The following CACNA2D1 variants were observed in gnomAD, a reference collection of about 807,000 sequenced individuals.
CACNA2D1 encodes calcium voltage-gated channel auxiliary subunit alpha2delta 1.
Under a neutral mutation model 171.5 loss-of-function variants are expected in CACNA2D1, and 53 were observed. The ratio of observed to expected loss-of-function variants is 0.31; its 90% CI spans 0.25 to 0.39. The LOEUF (loss-of-function observed/expected upper bound fraction) is 0.39. Among genes scored for constraint, CACNA2D1 ranks in the 10% least tolerant of loss-of-function variants. The pLI is 1.00. For missense variants in CACNA2D1, 903 were observed against 1,299.8 expected (o/e 0.69, Z 4.69); for synonymous variants, 442 against 443.1 (o/e 1.00, Z 0.03).
At chr7:82,376,607 CT>C (rs1310834800) in intron 1 of CACNA2D1, among the ~76,000 whole-genome samples, 1 of 152,186 alleles carries the variant, frequency 6.6e-6, no homozygotes, top group African/African-American at 2.4e-5. Context: ...GAATATACAT[CT>C]CTGTATATAA....
At chr7:82,415,562 G>A (rs572937183) in intron 1 of CACNA2D1, among the ~76,000 whole-genome samples, 1 of 152,098 alleles carries the variant, frequency 6.6e-6, no homozygotes, top group East Asian at 1.9e-4. Flanking sequence ...TGAAATTTTG[G>A]TCTGTAGGAC....
intron 1 of CACNA2D1, among the ~76,000 whole-genome samples, chr7:82,405,126 C>T (rs1475689166): frequency 1.3e-5 from 2 of 152,036 alleles, no homozygotes; most frequent in African/African-American, 4.8e-5. Context: ...TATCTAATTA[C>T]TCATTTAGAA....
At position 82,102,477 on chromosome 7, in the gene CACNA2D1, C is replaced by CAT. The variant is rs1409017023; in HGVS notation, c.526+14565_526+14566dup. ...ATATATATATACACATGCATATATA[C>CAT]ATATATATACACACACACACACGCA... On this transcript the variant is annotated intron_variant, in intron 6 of 38. Transcript: ENST00000356860. Among the ~76,000 whole-genome samples, 146 of 151,326 alleles carry CAT rather than the reference C, an allele frequency of 9.6e-4. 1 individual carries two copies. The Middle Eastern group carries it at 0.034, about 35-fold the overall frequency.
chr7:82,033,855 T>A (rs1225453116), intron 11 of CACNA2D1, among the ~76,000 whole-genome samples: 1 of 152,126 alleles, frequency 6.6e-6, no homozygotes, highest in Non-Finnish European at 1.5e-5. Context: ...GTGTTTGCTT[T>A]AAATGCTGAG....
At chr7:82,419,301 T>C (rs1221574901) in intron 1 of CACNA2D1, among the ~76,000 whole-genome samples, 1 of 152,068 alleles carries the variant, frequency 6.6e-6, no homozygotes, top group Non-Finnish European at 1.5e-5. Flanking sequence ...GTGAAACAAA[T>C]ACCCTTAGCA....
chr7:82,330,135 TC>T (rs1817142695), intron 3 of CACNA2D1, among the ~76,000 whole-genome samples: 1 of 152,044 alleles, frequency 6.6e-6, no homozygotes, highest in East Asian at 1.9e-4. Context: ...TATCGTTTTA[TC>T]TTTCAGCTCT....
rs1791673139 is a variant in CACNA2D1, at chr7:82,136,790, T to C, written c.355-114A>G. On this transcript the variant is annotated intron_variant, in intron 4 of 38. Transcript: ENST00000356860. Reference sequence around the variant, plus strand: ...ACTCCTTGTCATCTTTCTTTCACAATATATTCCACAATGATCCATAAGGAT... The same window carrying C: ...ACTCCTTGTCATCTTTCTTTCACAACATATTCCACAATGATCCATAAGGAT... 3.8e-5 allele frequency: 29 copies of C among 760,874 alleles called. No individual in the cohort carries two copies. In the South Asian group the frequency reaches 4.9e-4, roughly 13 times the overall value. 47.1% of individuals were successfully genotyped at this position (760,874 alleles called of 1,614,324 possible). A position where few individuals can be genotyped will look rare whatever the true frequency, so the allele number is the denominator to read the frequency against.
At chr7:82,074,494 C>T (rs142319392) in intron 7 of CACNA2D1, among the ~76,000 whole-genome samples, 1 of 152,272 alleles carries the variant, frequency 6.6e-6, no homozygotes, top group Non-Finnish European at 1.5e-5. Flanking sequence ...TCCTAAACTG[C>T]TGGGATTACA....
chr7:82,426,146 A>T (rs760078536), intron 1 of CACNA2D1, among the ~76,000 whole-genome samples: 9 of 64,248 alleles, frequency 1.4e-4, no homozygotes, highest in Non-Finnish European at 1.9e-4. Flanking sequence ...TATATAAATA[A>T]ATAAATAAAT....
chr7:82,296,118 G>A (rs982318782), intron 3 of CACNA2D1, among the ~76,000 whole-genome samples: 1 of 150,892 alleles, frequency 6.6e-6, no homozygotes, highest in Non-Finnish European at 1.5e-5. Context: ...GCGGGGTGGG[G>A]GAAGGGGGGA....
intron 7 of CACNA2D1, among the ~76,000 whole-genome samples, chr7:82,066,740 T>C (rs1222137348): frequency 2.0e-5 from 3 of 152,114 alleles, no homozygotes; most frequent in African/African-American, 7.2e-5. Context: ...TCGATTCTCT[T>C]TTTACGAGTT....
chr7:82,155,922 C>T (rs963167979), intron 4 of CACNA2D1, among the ~76,000 whole-genome samples: 1 of 152,154 alleles, frequency 6.6e-6, no homozygotes, highest in Non-Finnish European at 1.5e-5. Flanking sequence ...ATATATCCTG[C>T]ATACTAGTCA....
chr7:82,443,170 C>T (rs1369024984), intron 1 of CACNA2D1, among the ~76,000 whole-genome samples, 195 bp downstream of exon 1: 1 of 152,020 alleles, frequency 6.6e-6, no homozygotes. Flanking sequence ...GCGCCCGAGA[C>T]GCCGGTTCGG....
At chr7:82,050,632 G>T (rs1296361889) in intron 10 of CACNA2D1, 2 of 702,690 alleles carry the variant, frequency 2.8e-6, no homozygotes, top group Non-Finnish European at 5.2e-6. Flanking sequence ...TACTATCCTG[G>T]AATGCAAATA....
intron 7 of CACNA2D1, among the ~76,000 whole-genome samples, chr7:82,075,423 A>AGT (rs1402335504): frequency 2.0e-5 from 3 of 152,226 alleles, no homozygotes; most frequent in African/African-American, 7.2e-5. Flanking sequence ...CCCATAATGC[A>AGT]GTCATTAAGT....
chr7:82,350,852 G>C (rs1819777315), intron 1 of CACNA2D1, among the ~76,000 whole-genome samples: 1 of 152,118 alleles, frequency 6.6e-6, no homozygotes, highest in Non-Finnish European at 1.5e-5. Flanking sequence ...TATGATCGAA[G>C]GATTGATCTT....
chr7:82,378,945 G>A (rs1461973491), intron 1 of CACNA2D1, among the ~76,000 whole-genome samples: 1 of 27,440 alleles, frequency 3.6e-5, no homozygotes, highest in Admixed American at 4.3e-4. Flanking sequence ...ACTCGTGTGT[G>A]TGTGTGTGTG....
At chr7:82,014,926 G>A (rs2130954620) in intron 12 of CACNA2D1, among the ~76,000 whole-genome samples, 1 of 152,194 alleles carries the variant, frequency 6.6e-6, no homozygotes, top group East Asian at 1.9e-4. Context: ...CTTATGGTGG[G>A]TGCCTGTAAT....
intron 6 of CACNA2D1, among the ~76,000 whole-genome samples, chr7:82,109,541 T>C (rs2097913): frequency 0.081 from 12,389 of 152,222 alleles, 601 homozygotes; most frequent in South Asian, 0.16. Flanking sequence ...TCCTGTAAAA[T>C]TTAGAACAAT....
Sources: gnomAD v4.1 joint callset for allele counts (sites outside exome capture counted in the v4.1 genomes callset) on GRCh38, gnomAD v4.1.1 for gene constraint, MANE v1.5 for transcripts, NCBI Gene and HGNC (gene_info 2026-07-23, HGNC 2026-07-21) for gene names.